CECR2: variants seen among roughly 807,000 people sequenced by gnomAD.
The protein encoded by CECR2 is CECR2 histone acetyl-lysine reader, also known as chromatin remodeling regulator CECR2.
Under a neutral mutation model 154.5 loss-of-function variants are expected in CECR2, and 30 were observed. That is an observed-to-expected ratio of 0.19 (90% confidence interval 0.15 to 0.26). CECR2 has a LOEUF of 0.26. CECR2 is among the 10% of genes least tolerant of loss of function. The pLI is 1.00. For synonymous variants in CECR2, 725 were observed against 683.7 expected (o/e 1.06, Z -0.94); for missense variants, 1,743 against 1,829.3 (o/e 0.95, Z 0.86).
chr22:17,368,234 A>C (rs898994705), upstream of CECR2, among the ~76,000 whole-genome samples: 12 of 152,196 alleles, frequency 7.9e-5, no homozygotes, highest in African/African-American at 2.9e-4. Flanking sequence ...CTATCATATA[A>C]ATTATCTCCA....
At chr22:17,479,179 A>C (rs5747199) in intron 2 of CECR2, among the ~76,000 whole-genome samples, 18,430 of 152,254 alleles carry the variant, frequency 0.12, 1,704 homozygotes, top group African/African-American at 0.24. Context: ...CACTCAGTCA[A>C]AAGATATGCC....
chr22:17,396,982 G>T (rs2053821170), intron 1 of CECR2, among the ~76,000 whole-genome samples: 1 of 152,158 alleles, frequency 6.6e-6, no homozygotes, highest in Admixed American at 6.5e-5. Flanking sequence ...CATCTTCAGG[G>T]CAGTGTCATC....
Position 17,537,613 on chromosome 22 carries a change from C to T in CECR2, c.1238+381C>T, listed in dbSNP as rs145921768. Among the ~76,000 whole-genome samples the T allele has an allele frequency of 2.0e-4, 30 of 152,336 alleles. No individual in the cohort carries two copies. The East Asian group carries it at 5.6e-3, about 28-fold the overall frequency. On this transcript the variant is annotated intron_variant, in intron 10 of 18. Coordinates refer to ENST00000262608, the MANE Select transcript of CECR2 (RefSeq NM_001290047.2). ...CCTTACTAAACTCAAGAGGCAGATA[C>T]ACATTCAGTGTTCCTGAGCTCATTT... is the stretch of plus-strand genomic sequence containing the variant.
At chr22:17,397,637 A>G (rs1454758094) in intron 1 of CECR2, among the ~76,000 whole-genome samples, 1 of 151,990 alleles carries the variant, frequency 6.6e-6, no homozygotes, top group Admixed American at 6.6e-5. Context: ...AGCTGGAACT[A>G]CAGGCGCCCG....
rs146410356 is a variant in CECR2, at chr22:17,477,481, G to A, written c.127-107G>A. On this transcript the variant is annotated intron_variant, in intron 1 of 18. Transcript: ENST00000262608. Reference sequence around the variant, plus strand: ...GAGCTGATCTCTGGCAAGTCCTTCCGCTGCTGGGACCATTCAGTTCTTGGG... The same window carrying A: ...GAGCTGATCTCTGGCAAGTCCTTCCACTGCTGGGACCATTCAGTTCTTGGG... 842 of 752,800 alleles carry A rather than the reference G, an allele frequency of 1.1e-3. 7 individuals are homozygous for A. Among genetic ancestry groups the A allele is most frequent in the Non-Finnish European group, 3.5e-4 (152 of 432,072 alleles). 46.6% of individuals were successfully genotyped at this position (752,800 alleles called of 1,614,324 possible).
At chr22:17,510,845 T>C (rs960594164) in intron 7 of CECR2, among the ~76,000 whole-genome samples, 2 of 152,186 alleles carry the variant, frequency 1.3e-5, no homozygotes, top group East Asian at 3.9e-4. Context: ...GACTTCGTGA[T>C]CCGCTCACCT....
chr22:17,432,370 A>C lies in CECR2; in HGVS notation c.127-45218A>C, dbSNP rs540531407. 5.3e-5 allele frequency among the ~76,000 whole-genome samples: 8 copies of C among 152,338 alleles called. No homozygotes were observed. The East Asian group carries it at 1.5e-3, about 29-fold the overall frequency. On this transcript the variant is annotated intron_variant, in intron 1 of 18. Transcript: ENST00000262608. The stretch of plus-strand genomic sequence containing the variant: ...AATACCACATTTGGTTCATCTGTTC[A>C]TCAGTTGTTGGACATTTGGGTTGTT...
chr22:17,377,970 A>G (rs1320507307), intron 1 of CECR2, among the ~76,000 whole-genome samples: 1 of 152,122 alleles, frequency 6.6e-6, no homozygotes, highest in African/African-American at 2.4e-5. Flanking sequence ...GAGGAATGTT[A>G]TATGCGTTTT....
At chr22:17,379,586 GT>G (rs2063162359) in intron 1 of CECR2, among the ~76,000 whole-genome samples, 2 of 131,860 alleles carry the variant, frequency 1.5e-5, no homozygotes, top group African/African-American at 7.0e-5. Flanking sequence ...TTGAAGGTGT[GT>G]GTGTGTGTGT....
intron 1 of CECR2, among the ~76,000 whole-genome samples, chr22:17,385,227 T>C (rs750902032): frequency 6.6e-5 from 10 of 152,208 alleles, no homozygotes; most frequent in Non-Finnish European, 1.5e-4. Flanking sequence ...GCTTTTTATT[T>C]CCTTCAATAA....
intron 8 of CECR2, among the ~76,000 whole-genome samples, chr22:17,518,459 T>G (rs1022297956): frequency 6.6e-6 from 1 of 152,210 alleles, no homozygotes; most frequent in South Asian, 2.1e-4. Flanking sequence ...TGGTAATGTT[T>G]CCTGGCTCCA....
At chr22:17,533,803 G>A (rs1180947555) in intron 9 of CECR2, among the ~76,000 whole-genome samples, 4 of 150,078 alleles carry the variant, frequency 2.7e-5, no homozygotes, top group Non-Finnish European at 5.9e-5. Flanking sequence ...CGCAACCTCC[G>A]CCTCTGGGGT....
intron 1 of CECR2, among the ~76,000 whole-genome samples, chr22:17,378,691 C>G (rs557425090): frequency 1.3e-5 from 2 of 152,242 alleles, no homozygotes; most frequent in East Asian, 3.9e-4. Context: ...CCAAATATGT[C>G]CGGCGGGGTG....
At chr22:17,395,035 T>C (rs2053786828) in intron 1 of CECR2, among the ~76,000 whole-genome samples, 1 of 152,220 alleles carries the variant, frequency 6.6e-6, no homozygotes, top group African/African-American at 2.4e-5. Flanking sequence ...TGGATCCTTG[T>C]ACCTACCATC....
Position 17,421,931 on chromosome 22 carries a change from C to T in CECR2, c.126+52022C>T, listed in dbSNP as rs183099410. 6.7e-5 allele frequency among the ~76,000 whole-genome samples: 10 copies of T among 150,014 alleles called. No individual in the cohort carries two copies. The East Asian group carries it at 1.9e-3, about 29-fold the overall frequency. ...CTACACATCTCCTCAATTGTTGTTG[C>T]AGAAAGTCTTTATTCTCCTTCACTA... is the stretch of plus-strand genomic sequence containing the variant. On this transcript the variant is annotated intron_variant, in intron 1 of 18. Coordinates refer to ENST00000262608, the MANE Select transcript of CECR2 (RefSeq NM_001290047.2).
At chr22:17,407,147 A>G (rs1012409204) in intron 1 of CECR2, among the ~76,000 whole-genome samples, 1 of 151,894 alleles carries the variant, frequency 6.6e-6, no homozygotes, top group Non-Finnish European at 1.5e-5. Context: ...CTTAAGATAA[A>G]CTCTTTTCAT....
At chr22:17,368,688 T>G (rs1451224493), upstream of CECR2, among the ~76,000 whole-genome samples, 1 of 152,102 alleles carries the variant, frequency 6.6e-6, no homozygotes, top group African/African-American at 2.4e-5. Context: ...CCAAGCACAT[T>G]GTGCTCACTC....
At chr22:17,513,836 C>A (rs527702712) in intron 8 of CECR2, among the ~76,000 whole-genome samples, 4 of 152,352 alleles carry the variant, frequency 2.6e-5, no homozygotes, top group Admixed American at 2.6e-4. Context: ...CATAACTTAA[C>A]ACTTCAGACT....
chr22:17,536,046 C>G (rs144558224), intron 9 of CECR2, among the ~76,000 whole-genome samples: 2 of 152,010 alleles, frequency 1.3e-5, no homozygotes, highest in Admixed American at 6.6e-5. Context: ...GTCACGAGTT[C>G]GAGACCAGCC....
Sources: gnomAD v4.1 joint callset for allele counts (sites outside exome capture counted in the v4.1 genomes callset) on GRCh38, gnomAD v4.1.1 for gene constraint, MANE v1.5 for transcripts, NCBI Gene and HGNC (gene_info 2026-07-23, HGNC 2026-07-21) for gene names.